CDC42BPA: variants seen among roughly 807,000 people sequenced by gnomAD.
CDC42BPA encodes CDC42 binding protein kinase alpha.
A neutral mutation model predicts 223.5 loss-of-function variants in CDC42BPA; 80 were observed. That is an observed-to-expected ratio of 0.36 (90% CI 0.30 to 0.43). CDC42BPA has a LOEUF of 0.43. Ranked by LOEUF, CDC42BPA falls within the 20% of genes least tolerant of loss-of-function variation. The probability of loss-of-function intolerance (pLI) is 1.00; values close to 1 mark genes in which losing one functional copy is unlikely to be tolerated. For synonymous variants in CDC42BPA, 694 were observed against 718.6 expected (o/e 0.97, Z 0.55); for missense variants, 1,743 against 2,099.9 (o/e 0.83, Z 3.32).
intron 10 of CDC42BPA, among the ~76,000 whole-genome samples, chr1:227,133,228 C>A: frequency 6.6e-6 from 1 of 150,962 alleles, no homozygotes; most frequent in Non-Finnish European, 1.5e-5. Context: ...GGTCAGCCCC[C>A]CGCCCGGCCA....
chr1:227,150,526 G>A (rs1661539733), intron 6 of CDC42BPA, among the ~76,000 whole-genome samples: 1 of 152,012 alleles, frequency 6.6e-6, no homozygotes, highest in Admixed American at 6.6e-5. Context: ...TTTCACACAA[G>A]ACTGAGTAAA....
chr1:227,102,452 T>A (rs933169907), intron 14 of CDC42BPA, among the ~76,000 whole-genome samples: 1 of 152,166 alleles, frequency 6.6e-6, no homozygotes, highest in Non-Finnish European at 1.5e-5. Context: ...TAAATTGACA[T>A]CTGTGGCACT....
chr1:227,248,377 A>AC (rs200283152), intron 2 of CDC42BPA, among the ~76,000 whole-genome samples: 4,551 of 152,050 alleles, frequency 0.03, 189 homozygotes, highest in African/African-American at 0.1. Context: ...ACACACACAC[A>AC]AAAAAACTTA....
intron 2 of CDC42BPA, among the ~76,000 whole-genome samples, chr1:227,235,546 G>A (rs1418450453): frequency 6.6e-6 from 1 of 152,118 alleles, no homozygotes; most frequent in Admixed American, 6.5e-5. Flanking sequence ...TGAAGAACTG[G>A]ACTAAACCAA....
intron 15 of CDC42BPA, among the ~76,000 whole-genome samples, chr1:227,094,673 C>T (rs529893003): frequency 3.3e-5 from 5 of 152,200 alleles, no homozygotes; most frequent in African/African-American, 7.2e-5. Context: ...AAATTAAATA[C>T]AGCCAAATTT....
chr1:227,193,628 C>G, intron 5 of CDC42BPA, 158 bp downstream of exon 5: 8 of 568,986 alleles, frequency 1.4e-5, no homozygotes, highest in Middle Eastern at 2.9e-4. Context: ...ATAATAACAA[C>G]AACAAAGCAA....
At chr1:227,217,711 T>C (rs551321586) in intron 2 of CDC42BPA, among the ~76,000 whole-genome samples, 2 of 152,266 alleles carry the variant, frequency 1.3e-5, no homozygotes, top group South Asian at 4.1e-4. Flanking sequence ...GACCTCGTGC[T>C]ACTCTCCCCC....
chr1:227,100,747 A>AGTGTGTGTGT (rs57210205), intron 15 of CDC42BPA, among the ~76,000 whole-genome samples: 3,607 of 137,342 alleles, frequency 0.026, 50 homozygotes, highest in South Asian at 0.046. Flanking sequence ...ATACCCAGCT[A>AGTGTGTGTGT]GTGTGTGTGT....
At chr1:227,006,831 G>A (rs552322573) in intron 34 of CDC42BPA, among the ~76,000 whole-genome samples, 21 of 152,206 alleles carry the variant, frequency 1.4e-4, no homozygotes, top group African/African-American at 5.1e-4. Context: ...CAGCTACTCG[G>A]GAGTCTGAGG....
At chr1:227,153,004 C>A (rs912977589) in intron 6 of CDC42BPA, among the ~76,000 whole-genome samples, 43 of 151,672 alleles carry the variant, frequency 2.8e-4, no homozygotes, top group African/African-American at 1.0e-3. Context: ...AAAGAAAATA[C>A]CCTGGAAGAA....
At chr1:227,133,726 G>A (rs1210721915) in intron 10 of CDC42BPA, among the ~76,000 whole-genome samples, 2 of 151,944 alleles carry the variant, frequency 1.3e-5, no homozygotes, top group African/African-American at 2.4e-5. Context: ...GATTAAGGGC[G>A]GTGCAAGATG....
chr1:227,045,990 T>C (rs1056518223), intron 23 of CDC42BPA, among the ~76,000 whole-genome samples: 3 of 151,928 alleles, frequency 2.0e-5, no homozygotes, highest in Admixed American at 6.6e-5. Context: ...ATTTTTCATA[T>C]AGACAGGGTT....
intron 2 of CDC42BPA, among the ~76,000 whole-genome samples, chr1:227,249,264 C>G (rs1478537919): frequency 3.3e-5 from 5 of 152,152 alleles, no homozygotes; most frequent in Non-Finnish European, 5.9e-5. Flanking sequence ...TATCTCTCAC[C>G]TTACATAAAA....
intron 25 of CDC42BPA, 27 bp downstream of exon 25, chr1:227,035,444 A>G (rs1670039320): frequency 6.3e-7 from 1 of 1,574,978 alleles, no homozygotes; most frequent in African/African-American, 1.4e-5. Flanking sequence ...TAAAGGATTA[A>G]TCTAAACCCA....
chr1:227,006,080 A>C (rs1663977381), intron 34 of CDC42BPA, among the ~76,000 whole-genome samples: 1 of 152,196 alleles, frequency 6.6e-6, no homozygotes, highest in Admixed American at 6.5e-5. Flanking sequence ...TACATATACC[A>C]TGTTATTAAC....
intron 23 of CDC42BPA, among the ~76,000 whole-genome samples, chr1:227,043,771 T>C (rs1449574045): frequency 6.6e-6 from 1 of 152,204 alleles, no homozygotes; most frequent in Admixed American, 6.5e-5. Flanking sequence ...TTAGGAATCT[T>C]TCCCCTATTT....
intron 5 of CDC42BPA, among the ~76,000 whole-genome samples, chr1:227,173,315 A>C (rs989019683): frequency 1.3e-5 from 2 of 152,216 alleles, no homozygotes; most frequent in African/African-American, 4.8e-5. Context: ...TGTATAGTGA[A>C]GGCCTAATCT....
chr1:227,275,755 G>A (rs563632712), intron 1 of CDC42BPA, among the ~76,000 whole-genome samples: 164 of 152,166 alleles, frequency 1.1e-3, no homozygotes, highest in African/African-American at 3.8e-3. Context: ...GGCACGCGCC[G>A]CCACGCCTGA....
At chr1:227,302,527 C>A (rs75293725) in intron 1 of CDC42BPA, among the ~76,000 whole-genome samples, 15,900 of 152,142 alleles carry the variant, frequency 0.1, 947 homozygotes, top group Middle Eastern at 0.17. Context: ...CTCTTTGGAA[C>A]CTTTTGGGGT....
Sources: gnomAD v4.1 joint callset for allele counts (sites outside exome capture counted in the v4.1 genomes callset) on GRCh38, gnomAD v4.1.1 for gene constraint, MANE v1.5 for transcripts, NCBI Gene and HGNC (gene_info 2026-07-23, HGNC 2026-07-21) for gene names.